Variants in RMDN2 observed in about 807,000 individuals in gnomAD.
The protein encoded by RMDN2 is regulator of microtubule dynamics 2.
RMDN2 carries 61 observed loss-of-function variants against 52.8 expected under a neutral mutation model. The ratio of observed to expected loss-of-function variants is 1.16; its 90% CI spans 0.94 to 1.43. RMDN2 has a LOEUF of 1.43. Among genes scored for constraint, RMDN2 ranks in the 40% most tolerant of loss-of-function variants. RMDN2 has a pLI of 0.00. For synonymous variants in RMDN2, 180 were observed against 153.1 expected, an observed-to-expected ratio of 1.18 and a Z score of -1.30; for missense variants, 592 against 475.3, an observed-to-expected ratio of 1.25 and a Z score of -2.28.
Position 38,026,124 on chromosome 2 carries a change from T to G in RMDN2, c.1713+21908T>G, listed in dbSNP as rs181200747. Among the ~76,000 whole-genome samples the G allele has an allele frequency of 3.3e-5, 5 of 152,268 alleles. 1 individual carries two copies. The highest frequency in any genetic ancestry group is 3.3e-4 in the Admixed American group (5 of 15,302). On this transcript the variant is annotated intron_variant, in intron 10 of 10. Coordinates refer to the RMDN2 transcript ENST00000234195. Reference sequence around the variant, plus strand: ...TTTTCAAGTACAATTTCAACTTCAGTTCTTTTAAGAGATACAGGGCTATTT... The same window carrying G: ...TTTTCAAGTACAATTTCAACTTCAGGTCTTTTAAGAGATACAGGGCTATTT...
intron 4 of RMDN2, among the ~76,000 whole-genome samples, chr2:37,978,744 C>G (rs1289661981): frequency 6.6e-6 from 1 of 151,800 alleles, no homozygotes; most frequent in Non-Finnish European, 1.5e-5. Context: ...CACCACTGCA[C>G]TGCAGAGTGG....
intron 2 of RMDN2, among the ~76,000 whole-genome samples, chr2:37,940,664 C>G (rs1667707916): frequency 6.6e-6 from 1 of 152,110 alleles, no homozygotes. Flanking sequence ...CTTTCTTCCA[C>G]TTGATCAATT....
intron 2 of RMDN2, among the ~76,000 whole-genome samples, chr2:37,953,392 T>G (rs1271988621): frequency 6.6e-6 from 1 of 152,014 alleles, no homozygotes; most frequent in East Asian, 1.9e-4. Context: ...CTACTTTATG[T>G]CTATGATTTT....
chr2:37,943,694 T>G (rs915794961), intron 2 of RMDN2, among the ~76,000 whole-genome samples: 1 of 152,172 alleles, frequency 6.6e-6, no homozygotes, highest in African/African-American at 2.4e-5. Context: ...CATGAATCCT[T>G]CATTGCGCTC....
At chr2:37,944,332 C>CAAAAAA (rs55892088) in intron 2 of RMDN2, among the ~76,000 whole-genome samples, 2 of 135,312 alleles carry the variant, frequency 1.5e-5, no homozygotes, top group African/African-American at 2.8e-5. Flanking sequence ...CAGCCAATCT[C>CAAAAAA]AAAAAAAAAA....
At chr2:37,991,675 A>G (rs1240467097) in intron 7 of RMDN2, among the ~76,000 whole-genome samples, 2 of 152,048 alleles carry the variant, frequency 1.3e-5, no homozygotes, top group African/African-American at 4.8e-5. Flanking sequence ...CCACACACAC[A>G]CCCTGTGTCT....
At chr2:38,054,667 A>G (rs1406800251) in intron 10 of RMDN2, among the ~76,000 whole-genome samples, 1 of 151,954 alleles carries the variant, frequency 6.6e-6, no homozygotes, top group African/African-American at 2.4e-5. Context: ...CTTTTGGGTC[A>G]CTCTGTGGCT....
chr2:38,048,279 T>C (rs1452159350), intron 10 of RMDN2, among the ~76,000 whole-genome samples: 1 of 152,206 alleles, frequency 6.6e-6, no homozygotes, highest in Non-Finnish European at 1.5e-5. Context: ...TTTGAGTGTA[T>C]GCAGCATGTG....
At chr2:37,967,009 T>G (rs1261763026) in intron 2 of RMDN2, among the ~76,000 whole-genome samples, 2 of 152,116 alleles carry the variant, frequency 1.3e-5, no homozygotes, top group African/African-American at 4.8e-5. Flanking sequence ...CATTGATGCT[T>G]TACAAAAAGT....
chr2:38,025,695 T>C (rs1359605763), intron 10 of RMDN2, among the ~76,000 whole-genome samples: 1 of 152,096 alleles, frequency 6.6e-6, no homozygotes, highest in Non-Finnish European at 1.5e-5. Context: ...CTGAATTTTG[T>C]CACACTTGTG....
chr2:37,965,969 G>A (rs1670985299), intron 2 of RMDN2, among the ~76,000 whole-genome samples: 1 of 152,210 alleles, frequency 6.6e-6, no homozygotes, highest in South Asian at 2.1e-4. Flanking sequence ...TTTCTGCTGA[G>A]AAATCTGCTG....
At chr2:38,016,544 A>G (rs1410723049) in intron 10 of RMDN2, among the ~76,000 whole-genome samples, 1 of 152,220 alleles carries the variant, frequency 6.6e-6, no homozygotes, top group Non-Finnish European at 1.5e-5. Flanking sequence ...TGTGTGGGAA[A>G]GCCTTCATTT....
chr2:38,061,108 C>T (rs892112768), intron 10 of RMDN2, among the ~76,000 whole-genome samples: 1 of 152,078 alleles, frequency 6.6e-6, no homozygotes, highest in East Asian at 1.9e-4. Context: ...GTTCCAAGAG[C>T]CTGTTTGTTC....
Position 38,017,276 on chromosome 2 carries a change from C to A in RMDN2, c.*37C>A. 6.7e-7 allele frequency: 1 copy of A among 1,482,186 alleles called. No individual in the cohort carries two copies. The highest frequency in any genetic ancestry group is 1.4e-5 in the South Asian group (1 of 71,520). 91.8% of individuals were successfully genotyped at this position (1,482,186 alleles called of 1,614,324 possible). A position where few individuals can be genotyped will look rare whatever the true frequency, so the allele number is the denominator to read the frequency against. On this transcript the variant is annotated 3_prime_UTR_variant, in exon 11 of 11. Transcript: ENST00000354545. Reference sequence around the variant, plus strand: ...TACTCTTCAACAAATCAGATGTGGTCTACCAAAATTTAAATGAATCAAAGT... The same window carrying A: ...TACTCTTCAACAAATCAGATGTGGTATACCAAAATTTAAATGAATCAAAGT...
At chr2:38,028,923 C>A (rs989192572) in intron 10 of RMDN2, among the ~76,000 whole-genome samples, 2 of 152,240 alleles carry the variant, frequency 1.3e-5, no homozygotes, top group South Asian at 4.1e-4. Context: ...CCTGACCATC[C>A]CCAGAGTCAA....
chr2:37,966,021 T>C (rs1402194798), intron 2 of RMDN2, among the ~76,000 whole-genome samples: 1 of 152,246 alleles, frequency 6.6e-6, no homozygotes, highest in African/African-American at 2.4e-5. Flanking sequence ...GAGTTGCTTT[T>C]CTTTTGCTGC....
chr2:37,970,479 A>T (rs1398200336), intron 2 of RMDN2, among the ~76,000 whole-genome samples: 1 of 152,050 alleles, frequency 6.6e-6, no homozygotes, highest in Non-Finnish European at 1.5e-5. Flanking sequence ...TATGTGTAAG[A>T]TTGGCCTATA....
At position 38,055,814 on chromosome 2, in the gene RMDN2, C is replaced by T. The variant is rs185245894; in HGVS notation, c.1714-11168C>T. On this transcript the variant is annotated intron_variant, in intron 10 of 10. Transcript: ENST00000234195. ...ATAGATTGCATGCCCCTGTCTATACCAATTACTGCAAGGGGAATAGGAATT... is the reference window on the plus strand; with the variant it reads ...ATAGATTGCATGCCCCTGTCTATACTAATTACTGCAAGGGGAATAGGAATT... Among the ~76,000 whole-genome samples the T allele has an allele frequency of 2.6e-5, 4 of 152,206 alleles. No homozygotes were observed. In the East Asian group the frequency reaches 7.7e-4, roughly 29 times the overall value.
intron 10 of RMDN2, among the ~76,000 whole-genome samples, chr2:38,016,171 T>G (rs1678751041): frequency 6.6e-6 from 1 of 152,208 alleles, no homozygotes; most frequent in Non-Finnish European, 1.5e-5. Flanking sequence ...GAGACTATAC[T>G]GAATGCTCGG....
Sources: allele counts gnomAD v4.1 joint callset (sites outside exome capture counted in the v4.1 genomes callset), GRCh38; gene constraint gnomAD v4.1.1; transcripts MANE v1.5; gene names NCBI Gene and HGNC (gene_info 2026-07-23, HGNC 2026-07-21).